Variants in AGTPBP1 observed in about 807,000 individuals in gnomAD.
The protein encoded by AGTPBP1 is cytosolic carboxypeptidase 1.
Under a neutral mutation model 143.9 loss-of-function variants are expected in AGTPBP1, and 70 were observed. The ratio of observed to expected loss-of-function variants is 0.49; its 90% CI spans 0.40 to 0.59. AGTPBP1 has a LOEUF of 0.59. Ranked by LOEUF, AGTPBP1 falls within the 20% of genes least tolerant of loss-of-function variation. The pLI, the probability that AGTPBP1 is intolerant of heterozygous loss-of-function variation, is 0.00. For missense variants in AGTPBP1, 1,229 were observed against 1,464.5 expected, an observed-to-expected ratio of 0.84 and a Z score of 2.62; for synonymous variants, 463 against 500.2, an observed-to-expected ratio of 0.93 and a Z score of 0.99.
At chr9:85,741,751 T>G in intron 1 of AGTPBP1, 24 bp downstream of exon 1, 2 of 1,304,552 alleles carry the variant, frequency 1.5e-6, no homozygotes, top group Non-Finnish European at 1.9e-6. Context: ...GGCCGGGACA[T>G]GAGGACTGCA....
chr9:85,757,968 C>T, the AGTPBP1 span, among the ~76,000 whole-genome samples: 1 of 152,188 alleles, frequency 6.6e-6, no homozygotes, highest in Non-Finnish European at 1.5e-5. Context: ...TTCCTAATCT[C>T]TACTTGGATC....
chr9:85,784,534 A>G, the AGTPBP1 span, among the ~76,000 whole-genome samples: 17 of 152,094 alleles, frequency 1.1e-4, no homozygotes, highest in Non-Finnish European at 2.1e-4. Flanking sequence ...CAGCCTCTCA[A>G]GTAGCTGGGG....
chr9:85,604,711 G>A (rs930009985), intron 17 of AGTPBP1, among the ~76,000 whole-genome samples: 1 of 152,138 alleles, frequency 6.6e-6, no homozygotes, highest in Non-Finnish European at 1.5e-5. Flanking sequence ...ATGTTTTGAG[G>A]AAGCTCAGTG....
chr9:85,719,706 G>A (rs959220211), intron 1 of AGTPBP1, among the ~76,000 whole-genome samples: 1 of 152,182 alleles, frequency 6.6e-6, no homozygotes, highest in Non-Finnish European at 1.5e-5. Context: ...TGTTGAATAG[G>A]AGTGGTGAGA....
At chr9:85,757,894 T>A in the AGTPBP1 span, among the ~76,000 whole-genome samples, 1 of 152,188 alleles carries the variant, frequency 6.6e-6, no homozygotes, top group Admixed American at 6.5e-5. Flanking sequence ...AAGGTTGTGA[T>A]AAGTCAAAAA....
At chr9:85,586,290 TTTTAA>T (rs1452379561) in intron 22 of AGTPBP1, among the ~76,000 whole-genome samples, 7 of 151,856 alleles carry the variant, frequency 4.6e-5, no homozygotes, top group African/African-American at 9.7e-5. Flanking sequence ...AAGGGTATGG[TTTTAA>T]TTTAAGTGCA....
chr9:85,572,820 T>C lies in AGTPBP1; in HGVS notation c.3503+2495A>G, dbSNP rs12005897. Among the ~76,000 whole-genome samples the C allele has an allele frequency of 4.0e-3, 605 of 152,330 alleles. 2 individuals are homozygous for C. Among genetic ancestry groups the C allele is most frequent in the Non-Finnish European group, 5.6e-3 (381 of 68,026 alleles). On this transcript the variant is annotated intron_variant, in intron 25 of 25. Coordinates refer to ENST00000357081, the MANE Select transcript of AGTPBP1 (RefSeq NM_001330701.2). ...AGGAGGTACTTTGAAGGATAGAGAA[T>C]GCAGGTGATTATTTGTCTAAATTAT...
At chr9:85,675,973 C>T (rs1182165061) in intron 6 of AGTPBP1, among the ~76,000 whole-genome samples, 1 of 152,036 alleles carries the variant, frequency 6.6e-6, no homozygotes, top group East Asian at 1.9e-4. Context: ...TGCAGTGAGC[C>T]CAGATCACAC....
chr9:85,779,253 A>G, the AGTPBP1 span, among the ~76,000 whole-genome samples: 3 of 147,396 alleles, frequency 2.0e-5, no homozygotes, highest in African/African-American at 4.9e-5. Flanking sequence ...ATATCTATAT[A>G]AATATAAATA....
At chr9:85,706,280 G>T (rs561025264) in intron 2 of AGTPBP1, among the ~76,000 whole-genome samples, 2 of 148,428 alleles carry the variant, frequency 1.3e-5, no homozygotes. Flanking sequence ...TGGGAGCCAA[G>T]GTGGGTGGAT....
In AGTPBP1 at chr9:85,596,371, C is replaced by A; in HGVS notation, c.2414G>T (p.Cys805Phe). The change falls in exon 18 of 26, where the codon TGT (cysteine) becomes TTT (phenylalanine). Residue 805 changes from cysteine to phenylalanine, a missense_variant. Cys to Phe is a radical substitution (Grantham distance 205). This residue lies in a region of AGTPBP1 where 486 missense variants were observed against 652.3 expected (regional missense o/e 0.75). Transcript: ENST00000357081. ...PWWIRMGTDI[C>F]YYKNHFSRSS... ...TTCTTAAAATACTTACTTATAGTAA[C>A]AAATGTCAGTCCCCATACGAATCCA... 1 of 1,602,818 alleles carries A rather than the reference C, an allele frequency of 6.2e-7. No homozygotes were observed. The highest frequency in any genetic ancestry group is 2.2e-5 in the East Asian group (1 of 44,736).
chr9:85,631,126 C>G (rs575705585), intron 14 of AGTPBP1, among the ~76,000 whole-genome samples: 2 of 152,302 alleles, frequency 1.3e-5, no homozygotes, highest in East Asian at 3.9e-4. Flanking sequence ...CAGAGTACCC[C>G]ACTGGCAACC....
intron 13 of AGTPBP1, among the ~76,000 whole-genome samples, chr9:85,634,878 T>C (rs1037042707): frequency 8.5e-5 from 13 of 152,196 alleles, no homozygotes; most frequent in Non-Finnish European, 1.8e-4. Context: ...TATTAATGTA[T>C]ATTCCCAGTA....
intron 13 of AGTPBP1, among the ~76,000 whole-genome samples, chr9:85,636,978 C>T (rs1332348202): frequency 2.0e-5 from 3 of 151,508 alleles, no homozygotes; most frequent in African/African-American, 4.8e-5. Flanking sequence ...CCATACATAC[C>T]ACCCAGCAAG....
At chr9:85,770,895 G>A in the AGTPBP1 span, among the ~76,000 whole-genome samples, 2 of 152,056 alleles carry the variant, frequency 1.3e-5, no homozygotes, top group African/African-American at 4.8e-5. Flanking sequence ...AGGGGAATCT[G>A]TACTTTCTCA....
At chr9:85,609,548 T>A (rs1418552108) in intron 17 of AGTPBP1, among the ~76,000 whole-genome samples, 1 of 152,206 alleles carries the variant, frequency 6.6e-6, no homozygotes, top group Admixed American at 6.5e-5. Flanking sequence ...CCCAAAGTGC[T>A]GGGATTACAG....
chr9:85,592,945 G>C (rs114842145), intron 18 of AGTPBP1, among the ~76,000 whole-genome samples: 1 of 151,966 alleles, frequency 6.6e-6, no homozygotes, highest in African/African-American at 2.4e-5. Context: ...TACTCTTCAC[G>C]TCAAAAAAAT....
At chr9:85,757,722 G>A in the AGTPBP1 span, among the ~76,000 whole-genome samples, 2 of 151,742 alleles carry the variant, frequency 1.3e-5, no homozygotes, top group Admixed American at 1.3e-4. Flanking sequence ...CAGTTTTAGA[G>A]AGATAAAATT....
chr9:85,714,836 T>C (rs1406940841), intron 1 of AGTPBP1, among the ~76,000 whole-genome samples: 1 of 152,212 alleles, frequency 6.6e-6, no homozygotes, highest in Admixed American at 6.5e-5. Context: ...ATGGTATATA[T>C]CTGTTAAACA....
Sources: allele counts gnomAD v4.1 joint callset (sites outside exome capture counted in the v4.1 genomes callset), GRCh38; gene constraint gnomAD v4.1.1; regional missense constraint gnomAD v4.1.1; transcripts MANE v1.5; gene names NCBI Gene and HGNC (gene_info 2026-07-23, HGNC 2026-07-21).